The following ELAPOR2 variants were observed in gnomAD, a reference collection of about 807,000 sequenced individuals.
ELAPOR2 encodes endosome-lysosome associated apoptosis and autophagy regulator family member 2.
ELAPOR2 carries 89 observed loss-of-function variants against 120.7 expected under a neutral mutation model. The observed-to-expected ratio is 0.74, with a 90% CI of 0.62 to 0.88. ELAPOR2 has a LOEUF of 0.88. Among genes scored for constraint, ELAPOR2 ranks in the 40% least tolerant of loss-of-function variants. The pLI, the probability that ELAPOR2 is intolerant of heterozygous loss-of-function variation, is 0.00. For missense variants in ELAPOR2, 1,134 were observed against 1,251.6 expected (o/e 0.91, Z 1.42); for synonymous variants, 444 against 444.9 (o/e 1.00, Z 0.03).
chr7:86,894,213 G>A (rs1028214876), intron 19 of ELAPOR2, among the ~76,000 whole-genome samples: 1 of 151,988 alleles, frequency 6.6e-6, no homozygotes, highest in African/African-American at 2.4e-5. Context: ...ATTAGTGACT[G>A]GATTTTTTTG....
chr7:86,878,848 C>A lies in ELAPOR2; in HGVS notation c.*1623G>T, dbSNP rs924202643. ...TGAATCCCAGAGCAAACAATGACAA[C>A]CTCACCTATACTCATATGTGCAACA... On this transcript the variant is annotated 3_prime_UTR_variant, in exon 22 of 22. Transcript: ENST00000450689. 1 of 152,160 alleles carries A rather than the reference C, an allele frequency of 6.6e-6. No homozygotes were observed. The highest frequency in any genetic ancestry group is 1.5e-5 in the Non-Finnish European group (1 of 68,022). 9.4% of individuals were successfully genotyped at this position (152,160 alleles called of 1,614,324 possible).
intron 1 of ELAPOR2, among the ~76,000 whole-genome samples, chr7:87,037,007 C>T (rs1284091110): frequency 6.6e-6 from 1 of 152,126 alleles, no homozygotes; most frequent in East Asian, 1.9e-4. Flanking sequence ...TTACGGGTCT[C>T]CTTCCCATCA....
chr7:86,929,359 A>G (rs1023759452), intron 8 of ELAPOR2, among the ~76,000 whole-genome samples: 2 of 151,946 alleles, frequency 1.3e-5, no homozygotes, highest in Non-Finnish European at 2.9e-5. Context: ...TAAAAGGTCT[A>G]CCAACTGACC....
chr7:86,903,552 G>C (rs1277661480), intron 18 of ELAPOR2, among the ~76,000 whole-genome samples: 2 of 152,120 alleles, frequency 1.3e-5, no homozygotes, highest in African/African-American at 2.4e-5. Context: ...CTTCCCCAAA[G>C]ACCAAAGAAA....
chr7:86,900,168 GTTTATCTTGGGAAAATAGAA>G (rs1380132587), intron 18 of ELAPOR2, among the ~76,000 whole-genome samples: 1 of 151,752 alleles, frequency 6.6e-6, no homozygotes, highest in Non-Finnish European at 1.5e-5. Flanking sequence ...ATAAAAAACA[GTTTATCTTGGGAAAATAGAA>G]GAGAAAGTCT....
intron 1 of ELAPOR2, among the ~76,000 whole-genome samples, chr7:87,021,105 C>G (rs1794025090): frequency 6.6e-6 from 1 of 152,092 alleles, no homozygotes; most frequent in African/African-American, 2.4e-5. Flanking sequence ...AAGTGACTAG[C>G]TAAGGATTAC....
intron 1 of ELAPOR2, among the ~76,000 whole-genome samples, chr7:87,015,441 C>A (rs1793835790): frequency 6.6e-6 from 1 of 152,154 alleles, no homozygotes; most frequent in African/African-American, 2.4e-5. Flanking sequence ...TCCTCACTAA[C>A]AAAAATTATA....
At position 87,031,430 on chromosome 7, in the gene ELAPOR2, C is replaced by T. The variant is rs142006515; in HGVS notation, c.189+27895G>A. Among the ~76,000 whole-genome samples, 409 of 152,266 alleles carry T rather than the reference C, an allele frequency of 2.7e-3. 1 individual carries two copies. Among genetic ancestry groups the T allele is most frequent in the African/African-American group, 9.5e-3 (394 of 41,554 alleles). Reference sequence around the variant, plus strand: ...ATGAGATCCACATTTCTCACCTGCACTCCCAGAGACATGCATTCATTAATT... The same window carrying T: ...ATGAGATCCACATTTCTCACCTGCATTCCCAGAGACATGCATTCATTAATT... On this transcript the variant is annotated intron_variant, in intron 1 of 21. Coordinates refer to ENST00000450689, the MANE Select transcript of ELAPOR2 (RefSeq NM_001142749.3).
At chr7:86,925,173 T>C (rs1790011045) in intron 10 of ELAPOR2, among the ~76,000 whole-genome samples, 1 of 151,948 alleles carries the variant, frequency 6.6e-6, no homozygotes, top group Non-Finnish European at 1.5e-5. Context: ...TGAGCCAGAC[T>C]AATCAAGACA....
intron 1 of ELAPOR2, among the ~76,000 whole-genome samples, chr7:86,991,913 C>T (rs1792956149): frequency 6.6e-6 from 1 of 152,196 alleles, no homozygotes. Flanking sequence ...GTTTACATTT[C>T]ATTTGCCAGA....
At position 86,938,962 on chromosome 7, in the gene ELAPOR2, T is replaced by C. The variant is rs1302870917; in HGVS notation, c.848-2A>G. 1 of 1,612,674 alleles carries C rather than the reference T, an allele frequency of 6.2e-7. No homozygotes were observed. The highest frequency in any genetic ancestry group is 8.5e-7 in the Non-Finnish European group (1 of 1,179,166). ...AACATTCTGATGTGTACGCCACCCC[T>C]GTGCAGTAATGAAAAACAGAGCATG... On this transcript the variant is annotated splice_acceptor_variant, in intron 6 of 21. Coordinates refer to ENST00000450689, the MANE Select transcript of ELAPOR2 (RefSeq NM_001142749.3). LOFTEE classifies it high-confidence loss of function.
rs1209209281 is a variant in ELAPOR2, at chr7:86,913,322, G to C, written c.1732-118C>G. 36 of 965,682 alleles carry C rather than the reference G, an allele frequency of 3.7e-5. 1 individual carries two copies. In the South Asian group the frequency reaches 4.5e-4, roughly 12 times the overall value. The allele number at this position is 965,682 out of a possible 1,614,324, so 59.8% of individuals were successfully genotyped here. A position where few individuals can be genotyped will look rare whatever the true frequency, so the allele number is the denominator to read the frequency against. On this transcript the variant is annotated intron_variant, in intron 13 of 21. Transcript: ENST00000450689. ...ATAGAGTGTTCCAGCCTAATAGTTT[G>C]TAATTGACAATAGATTAATATCACT...
At chr7:86,965,063 G>A (rs6976741) in intron 1 of ELAPOR2, 39 bp from the exon 2 acceptor site, 400,225 of 1,546,560 alleles carry the variant, frequency 0.26, 59,508 homozygotes, top group African/African-American at 0.65. Context: ...GTTAGAGCCA[G>A]TTCTAACGGG....
At chr7:86,966,562 T>A (rs549763097) in intron 1 of ELAPOR2, among the ~76,000 whole-genome samples, 3 of 152,302 alleles carry the variant, frequency 2.0e-5, no homozygotes, top group Non-Finnish European at 4.4e-5. Context: ...CTGCCCATTA[T>A]CCAGTTCTAA....
chr7:86,929,707 A>G (rs949498399), intron 8 of ELAPOR2, among the ~76,000 whole-genome samples: 2 of 151,558 alleles, frequency 1.3e-5, no homozygotes, highest in African/African-American at 4.9e-5. Flanking sequence ...TATGTTTTAG[A>G]TTTCTGTCCC....
chr7:86,979,421 AT>A (rs1792385797), intron 1 of ELAPOR2, among the ~76,000 whole-genome samples: 1 of 152,342 alleles, frequency 6.6e-6, no homozygotes, highest in South Asian at 2.1e-4. Flanking sequence ...TTTTAGGGGT[AT>A]TTATAAAAAG....
chr7:86,899,986 C>T (rs1196644679), intron 18 of ELAPOR2, among the ~76,000 whole-genome samples: 3 of 151,600 alleles, frequency 2.0e-5, no homozygotes, highest in Non-Finnish European at 2.9e-5. Flanking sequence ...TAGTAAAAAG[C>T]AACTCAAAAT....
rs1799297865 is a variant in ELAPOR2 at position 86,879,471 on chromosome 7, T to C, written c.*1000A>G. ...AAAGTTTCTGAGAAAGTCAACATCC[T>C]CAAAGTCTTGCAGCAGAAAAATAAC... On this transcript the variant is annotated 3_prime_UTR_variant, in exon 22 of 22. Coordinates refer to ENST00000450689, the MANE Select transcript of ELAPOR2 (RefSeq NM_001142749.3). 6.6e-6 allele frequency: 1 copy of C among 152,178 alleles called. No individual in the cohort carries two copies. The allele number at this position is 152,178 out of a possible 1,614,324, so 9.4% of individuals were successfully genotyped here.
chr7:86,883,011 T>C (rs1446360599), intron 21 of ELAPOR2, among the ~76,000 whole-genome samples: 1 of 147,242 alleles, frequency 6.8e-6, no homozygotes, highest in East Asian at 2.0e-4. Context: ...TACTGGATGA[T>C]CGTTTGAAAG....
Sources: gnomAD v4.1 joint callset for allele counts (sites outside exome capture counted in the v4.1 genomes callset) on GRCh38, gnomAD v4.1.1 for gene constraint, MANE v1.5 for transcripts, NCBI Gene and HGNC (gene_info 2026-07-23, HGNC 2026-07-21) for gene names.